Variants in PITPNM2 observed in about 807,000 individuals in gnomAD.
PITPNM2 encodes the protein phosphatidylinositol transfer protein membrane associated 2, also known as membrane-associated phosphatidylinositol transfer protein 2.
A neutral mutation model predicts 132.2 loss-of-function variants in PITPNM2; 35 were observed. The ratio of observed to expected loss-of-function variants is 0.26; its 90% CI spans 0.20 to 0.35. PITPNM2 has a LOEUF of 0.35. Among genes scored for constraint, PITPNM2 ranks in the 10% least tolerant of loss-of-function variants. The pLI is 1.00. For synonymous variants in PITPNM2, 738 were observed against 799.2 expected, an observed-to-expected ratio of 0.92 and a Z score of 1.29; for missense variants, 1,332 against 1,912.0, an observed-to-expected ratio of 0.70 and a Z score of 5.66.
At chr12:123,110,273 A>T (rs2042809494) in intron 2 of PITPNM2, 112 bp downstream of exon 2, 1 of 152,190 alleles carries the variant, frequency 6.6e-6, no homozygotes, top group Admixed American at 6.5e-5. Flanking sequence ...TTTTTAGGGG[A>T]AAAGGGAAAC....
At chr12:123,091,352 C>T (rs1593007033) in intron 2 of PITPNM2, 1 of 152,254 alleles carries the variant, frequency 6.6e-6, no homozygotes, top group East Asian at 1.9e-4. Context: ...CACCAGCTAC[C>T]AAAGCTGCCT....
chr12:123,001,218 C>A, intron 8 of PITPNM2, 60 bp from the exon 9 acceptor site: 2 of 1,388,954 alleles, frequency 1.4e-6, no homozygotes, highest in Non-Finnish European at 2.0e-6. Context: ...CCTGGCTTCC[C>A]GAGGTGGGGA....
Position 123,004,662 on chromosome 12 carries a change from G to A in PITPNM2, c.953-173C>T, listed in dbSNP as rs997168744. ...TGAAGTGTGTAAATGAGTGGGGAGC[G>A]GCCTAGGCTCATCTCCTGTCCGCCT... is the stretch of plus-strand genomic sequence containing the variant. On this transcript the variant is annotated intron_variant, in intron 7 of 25. Coordinates refer to ENST00000320201, the MANE Select transcript of PITPNM2 (RefSeq NM_020845.3). The surrounding 1 kb of genome is among the most constrained non-coding windows in gnomAD (Gnocchi z 4.9). 55 of 642,396 alleles carry A rather than the reference G, an allele frequency of 8.6e-5. No individual in the cohort carries two copies. Among genetic ancestry groups the A allele is most frequent in the African/African-American group, 4.9e-4 (27 of 55,596 alleles). The allele number at this position is 642,396 out of a possible 1,614,324, so 39.8% of individuals were successfully genotyped here.
In PITPNM2 at chr12:123,095,801, G is replaced by A. The variant is rs1414800161; in HGVS notation, c.-96+14584C>T. Among the ~76,000 whole-genome samples the A allele has an allele frequency of 6.6e-6, 1 of 152,228 alleles. No individual in the cohort carries two copies. The highest frequency in any genetic ancestry group is 1.5e-5 in the Non-Finnish European group (1 of 68,030). ...CTCTCCCTTGTTTACACGCAACCCT[G>A]CCTCCTGTGTCGTGTGAACTCAGCA... is the stretch of plus-strand genomic sequence containing the variant. On this transcript the variant is annotated intron_variant, in intron 2 of 25. Transcript: ENST00000320201. This position sits in a 1 kb window ranked among gnomAD's most constrained non-coding sequence, Gnocchi z 5.0.
intron 1 of PITPNM2, among the ~76,000 whole-genome samples, chr12:123,145,570 TG>T (rs1417309628): frequency 6.6e-6 from 1 of 152,184 alleles, no homozygotes; most frequent in African/African-American, 2.4e-5. Flanking sequence ...TTATGAAGAA[TG>T]GGGAACTTCA....
At chr12:123,080,872 C>T (rs1345027638) in intron 2 of PITPNM2, among the ~76,000 whole-genome samples, 1 of 152,218 alleles carries the variant, frequency 6.6e-6, no homozygotes, top group Non-Finnish European at 1.5e-5. Flanking sequence ...GAACTTTCCC[C>T]AGTGATGAAC....
intron 3 of PITPNM2, among the ~76,000 whole-genome samples, chr12:123,017,198 C>T (rs1174335168): frequency 6.6e-6 from 1 of 151,702 alleles, no homozygotes; most frequent in Non-Finnish European, 1.5e-5. Flanking sequence ...TGGTGAAACA[C>T]CGTCTCTACT....
At position 122,989,758 on chromosome 12, in the gene PITPNM2, CAGTGAGGGGA is replaced by C; in HGVS notation, c.2731+19_2731+28del. The C allele has an allele frequency of 1.5e-6, 2 of 1,365,094 alleles. No individual in the cohort carries two copies. Among genetic ancestry groups the C allele is most frequent in the Non-Finnish European group, 1.9e-6 (2 of 1,052,732 alleles). 84.6% of individuals were successfully genotyped at this position (1,365,094 alleles called of 1,614,324 possible). ...GGGTGCTCAGCAGCAGAGTGACCCC[CAGTGAGGGGA>C]AAGTGTGTGGGGTGGTACCTTCTCC... On this transcript the variant is annotated intron_variant, in intron 18 of 25. Coordinates refer to ENST00000320201, the MANE Select transcript of PITPNM2 (RefSeq NM_020845.3).
rs1462455982 is a variant in PITPNM2 at position 122,988,759 on chromosome 12, C to T, written c.2845G>A (p.Glu949Lys). ...AGAAAGGAGACCACGTCTGTTGACT[C>T]CCAGTAGCTGGCGTGGAAGAGGTGA... is the stretch of plus-strand genomic sequence containing the variant. ...LPHLFHASYW[E>K]STDVVSFLLR... Residue 949 changes from glutamate to lysine, a missense_variant, in exon 19 of 26, where the codon GAG (glutamate) becomes AAG (lysine). Glu to Lys is a moderately conservative substitution (Grantham distance 56). Coordinates refer to ENST00000320201, the MANE Select transcript of PITPNM2 (RefSeq NM_020845.3). 2 of 1,572,308 alleles carry T rather than the reference C, an allele frequency of 1.3e-6. No individual in the cohort carries two copies. The highest frequency in any genetic ancestry group is 2.3e-5 in the East Asian group (1 of 42,910).
chr12:123,079,093 T>C (rs1480131112), intron 2 of PITPNM2, among the ~76,000 whole-genome samples: 3 of 152,176 alleles, frequency 2.0e-5, no homozygotes, highest in Non-Finnish European at 4.4e-5. Context: ...GGGCAGGCAC[T>C]AGTGCTGTCC....
intron 1 of PITPNM2, among the ~76,000 whole-genome samples, chr12:123,139,184 A>C (rs1006997680): frequency 3.3e-5 from 5 of 151,886 alleles, no homozygotes; most frequent in Non-Finnish European, 7.4e-5. Flanking sequence ...TATCATGTGT[A>C]AATTCACCTC....
At chr12:123,063,949 A>C (rs1280641203) in intron 2 of PITPNM2, among the ~76,000 whole-genome samples, 1 of 151,942 alleles carries the variant, frequency 6.6e-6, no homozygotes, top group African/African-American at 2.4e-5. Context: ...ATAAATTAAC[A>C]GACAATCAAT....
intron 1 of PITPNM2, among the ~76,000 whole-genome samples, chr12:123,146,398 C>T (rs1417149176): frequency 6.6e-6 from 1 of 152,002 alleles, no homozygotes; most frequent in Non-Finnish European, 1.5e-5. Flanking sequence ...AGTTCGAGAC[C>T]AGCCTGGCCA....
Position 123,005,353 on chromosome 12 carries a change from G to A in PITPNM2, c.839C>T (p.Thr280Ile). The A allele has an allele frequency of 3.7e-6, 6 of 1,614,140 alleles. No individual in the cohort carries two copies. The highest frequency in any genetic ancestry group is 1.1e-5 in the South Asian group (1 of 91,080). ...LVKHEAVSDQTSGEPPEPSSS... is the reference protein window; with the variant it reads ...LVKHEAVSDQISGEPPEPSSS... ...GCTGGGCTCCGGGGGCTCCCCAGAG[G>A]TCTGGTCCGAGACGGCTTCGTGCTT... The change falls in exon 7 of 26, where the codon ACC (threonine) becomes ATC (isoleucine). Residue 280 changes from threonine (T) to isoleucine (I), a missense_variant. Physicochemically the swap from Thr to Ile is moderately conservative, Grantham distance 89. Around this residue, in one of 6 missense-constraint regions of PITPNM2, gnomAD observed 710 missense variants for 911.5 expected, o/e 0.78. Transcript: ENST00000320201. This position sits in a 1 kb window ranked among gnomAD's most constrained non-coding sequence, Gnocchi z 6.2.
At position 122,986,132 on chromosome 12, in the gene PITPNM2, C is replaced by T. The variant is rs778945044; in HGVS notation, c.3945G>A (p.Ala1315=). The T allele has an allele frequency of 1.7e-5, 25 of 1,512,502 alleles. No homozygotes were observed. In the South Asian group the frequency reaches 1.7e-4, roughly 10 times the overall value. The allele number at this position is 1,512,502 out of a possible 1,614,324, so 93.7% of individuals were successfully genotyped here. The change falls in exon 26 of 26, where the codon GCG becomes GCA. Residue 1315 remains alanine, a synonymous_variant. Transcript: ENST00000320201. The part of the protein sequence containing the change: ...SHRHERTQSQ[A]DGEQRGQRSM... ...TGCGCTGGCCCCGCTGCTCGCCATCCGCCTGGCTCTGTGTCCGCTCGTGCC... is the reference window on the plus strand; with the variant it reads ...TGCGCTGGCCCCGCTGCTCGCCATCTGCCTGGCTCTGTGTCCGCTCGTGCC...
chr12:122,990,592 T>A lies in PITPNM2; in HGVS notation c.2522A>T (p.Gln841Leu), dbSNP rs745433981. Residue 841 changes from glutamine to leucine, a missense_variant, in exon 17 of 26, where the codon CAG (glutamine) becomes CTG (leucine). By Grantham distance (113) the Gln-to-Leu change is moderately radical. Around this residue, in one of 6 missense-constraint regions of PITPNM2, gnomAD observed 710 missense variants for 911.5 expected, o/e 0.78. Transcript: ENST00000320201. Reference protein sequence around the residue: ...RRASEISIASQVSGMAESYTA... With the variant: ...RRASEISIASLVSGMAESYTA... The stretch of plus-strand genomic sequence containing the variant: ...GTAGCTCTCAGCCATGCCTGACACC[T>A]GGCTGGCGATGCTGATCTCACTGGC... 6.2e-7 allele frequency: 1 copy of A among 1,612,804 alleles called. No homozygotes were observed. Among genetic ancestry groups the A allele is most frequent in the East Asian group, 2.2e-5 (1 of 44,884 alleles).
At chr12:123,080,469 G>A (rs528361227) in intron 2 of PITPNM2, among the ~76,000 whole-genome samples, 2 of 152,314 alleles carry the variant, frequency 1.3e-5, no homozygotes, top group African/African-American at 4.8e-5. Flanking sequence ...CAAAGTTGCA[G>A]GCCCAGAGGC....
At chr12:123,115,216 T>C (rs1049833138) in intron 1 of PITPNM2, among the ~76,000 whole-genome samples, 4 of 152,216 alleles carry the variant, frequency 2.6e-5, no homozygotes, top group African/African-American at 9.6e-5. Flanking sequence ...TCTTATTTTA[T>C]GACCCTACTC....
rs899628032 is a variant in PITPNM2, at chr12:122,988,220, C to A, written c.2997+14G>T. 5.6e-6 allele frequency: 9 copies of A among 1,610,124 alleles called. No homozygotes were observed. Among genetic ancestry groups the A allele is most frequent in the Non-Finnish European group, 7.6e-6 (9 of 1,178,336 alleles). On this transcript the variant is annotated intron_variant, in intron 20 of 25. Coordinates refer to ENST00000320201, the MANE Select transcript of PITPNM2 (RefSeq NM_020845.3). ...GTGACATCGTGGGGGCCTGGGCGCC[C>A]GGGGGACCCTCACCCGCAGCTTCAC...
Sources: gnomAD v4.1 joint callset for allele counts (sites outside exome capture counted in the v4.1 genomes callset) on GRCh38, gnomAD v4.1.1 for gene constraint, gnomAD v4.1.1 regional missense constraint, Gnocchi (gnomAD v3.1) non-coding constraint, MANE v1.5 for transcripts, NCBI Gene and HGNC (gene_info 2026-07-23, HGNC 2026-07-21) for gene names.